The following REC114 variants were observed in gnomAD, a reference collection of about 807,000 sequenced individuals.
REC114 encodes REC114 meiotic recombination protein.
A neutral mutation model predicts 31.3 loss-of-function variants in REC114; 27 were observed. The ratio of observed to expected loss-of-function variants is 0.86; its 90% confidence interval spans 0.64 to 1.19. REC114 has a LOEUF of 1.19. Among genes scored for constraint, REC114 ranks in the 50% most tolerant of loss-of-function variants. The probability of loss-of-function intolerance (pLI) is 0.00; values close to 1 mark genes in which losing one functional copy is unlikely to be tolerated. For missense variants in REC114, 344 were observed against 326.9 expected, an observed-to-expected ratio of 1.05 and a Z score of -0.40; for synonymous variants, 134 against 127.7, an observed-to-expected ratio of 1.05 and a Z score of -0.33.
chr15:73,457,346 A>G (rs1270368393), intron 1 of REC114, among the ~76,000 whole-genome samples: 2 of 151,972 alleles, frequency 1.3e-5, no homozygotes, highest in African/African-American at 2.4e-5. Context: ...TTACGCATAT[A>G]TATATGTTGA....
At chr15:73,551,545 A>G (rs1313194416) in intron 4 of REC114, among the ~76,000 whole-genome samples, 2 of 152,238 alleles carry the variant, frequency 1.3e-5, no homozygotes, top group African/African-American at 4.8e-5. Context: ...CATCTCATAC[A>G]GATCAGGCAG....
At chr15:73,514,270 C>T (rs2141316493) in intron 2 of REC114, among the ~76,000 whole-genome samples, 1 of 151,756 alleles carries the variant, frequency 6.6e-6, no homozygotes, top group African/African-American at 2.4e-5. Flanking sequence ...CTTGCGCTTC[C>T]CAGGTGAGGC....
intron 2 of REC114, among the ~76,000 whole-genome samples, chr15:73,534,133 G>A: frequency 6.8e-6 from 1 of 146,294 alleles, no homozygotes; most frequent in African/African-American, 2.5e-5. Context: ...AAGAACTAGA[G>A]AAGCAAGAGC....
chr15:73,462,884 CAAA>C lies in REC114; in HGVS notation c.160-10927_160-10925del, dbSNP rs769569268. Among the ~76,000 whole-genome samples, 121 of 55,634 alleles carry C rather than the reference CAAA, an allele frequency of 2.2e-3. 1 individual carries two copies. Among genetic ancestry groups the C allele is most frequent in the African/African-American group, 8.0e-3 (114 of 14,182 alleles). The allele number at this position is 55,634 out of a possible 152,430, so 36.5% of individuals were successfully genotyped here. ...TGGGCAACAGAGTGAGACTCCGTCT[CAAA>C]AAAAAAAAAAAAAAAAAAAATTACC... On this transcript the variant is annotated intron_variant, in intron 1 of 5. Transcript: ENST00000331090.
chr15:73,515,732 A>G (rs1287454853), intron 2 of REC114, among the ~76,000 whole-genome samples: 1 of 152,178 alleles, frequency 6.6e-6, no homozygotes, highest in Non-Finnish European at 1.5e-5. Context: ...CCAGGAAGCA[A>G]GCCGTCACCA....
Position 73,472,830 on chromosome 15 carries a change from T to C in REC114, c.160-1002T>C, listed in dbSNP as rs183866721. Among the ~76,000 whole-genome samples the C allele has an allele frequency of 2.1e-3, 317 of 152,278 alleles. 1 individual carries two copies. The highest frequency in any genetic ancestry group is 7.3e-3 in the African/African-American group (305 of 41,556). The stretch of plus-strand genomic sequence containing the variant: ...ATAATGGGGCTAATCCAAGGTTTTA[T>C]GTTTAGGTTCAAGATGAATAAAGGG... On this transcript the variant is annotated intron_variant, in intron 1 of 5. Transcript: ENST00000331090.
intron 2 of REC114, among the ~76,000 whole-genome samples, chr15:73,521,972 A>G (rs542377133): frequency 1.3e-5 from 2 of 152,338 alleles, no homozygotes; most frequent in Middle Eastern, 3.4e-3. Context: ...ACAGTACATT[A>G]CAATGAATTG....
chr15:73,487,577 TG>T (rs1893387564), intron 2 of REC114, among the ~76,000 whole-genome samples: 1 of 152,242 alleles, frequency 6.6e-6, no homozygotes, highest in Non-Finnish European at 1.5e-5. Flanking sequence ...ATCCTACTTT[TG>T]TACACACTGG....
chr15:73,481,049 C>T (rs993416149), intron 2 of REC114, among the ~76,000 whole-genome samples: 1 of 152,166 alleles, frequency 6.6e-6, no homozygotes, highest in African/African-American at 2.4e-5. Context: ...TACAATTATT[C>T]AATCACTGGC....
rs577580614 is a variant in REC114, at chr15:73,480,567, C to T, written c.249+6646C>T. 5.9e-5 allele frequency among the ~76,000 whole-genome samples: 9 copies of T among 152,176 alleles called. No homozygotes were observed. The East Asian group carries it at 1.2e-3, about 20-fold the overall frequency. ...TTCTTGGCCTCCACAGAAAGCAACACGTAGAAGAGCAAACACATTTGGATT... is the reference window on the plus strand; with the variant it reads ...TTCTTGGCCTCCACAGAAAGCAACATGTAGAAGAGCAAACACATTTGGATT... On this transcript the variant is annotated intron_variant, in intron 2 of 5. Transcript: ENST00000331090.
intron 5 of REC114, 64 bp downstream of exon 5, chr15:73,556,455 T>C (rs1439664742): frequency 7.5e-7 from 1 of 1,337,912 alleles, no homozygotes; most frequent in Admixed American, 2.0e-5. Context: ...AGAATTTGTA[T>C]CCCTTTGTTC....
chr15:73,543,493 C>A (rs1422742595), intron 3 of REC114, among the ~76,000 whole-genome samples: 1 of 152,080 alleles, frequency 6.6e-6, no homozygotes, highest in Admixed American at 6.6e-5. Context: ...CCACACCCAG[C>A]TAATTTTGTA....
At chr15:73,492,047 CATTT>C (rs1409933735) in intron 2 of REC114, among the ~76,000 whole-genome samples, 1 of 152,108 alleles carries the variant, frequency 6.6e-6, no homozygotes, top group African/African-American at 2.4e-5. Context: ...ATGTCATTGT[CATTT>C]AGTTCTCATT....
At chr15:73,504,724 A>G (rs1200828123) in intron 2 of REC114, among the ~76,000 whole-genome samples, 1 of 152,168 alleles carries the variant, frequency 6.6e-6, no homozygotes, top group Non-Finnish European at 1.5e-5. Context: ...CAGATTTTAT[A>G]TGTTGAACTG....
rs180865455 is a variant in REC114 at position 73,549,057 on chromosome 15, T to C, written c.334-1881T>C. ...AGAGGAAGGAGAGGATCAGGAAAAA[T>C]AACGAATGGGTACTAGGCTTAATAC... On this transcript the variant is annotated intron_variant, in intron 3 of 5. Transcript: ENST00000331090. Among the ~76,000 whole-genome samples, 917 of 151,818 alleles carry C rather than the reference T, an allele frequency of 6.0e-3. 9 individuals are homozygous for C. The highest frequency in any genetic ancestry group is 7.0e-3 in the Non-Finnish European group (474 of 67,922).
chr15:73,462,228 C>A (rs1892999284), intron 1 of REC114, among the ~76,000 whole-genome samples: 1 of 151,994 alleles, frequency 6.6e-6, no homozygotes, highest in Non-Finnish European at 1.5e-5. Context: ...TCGTGCCCAG[C>A]CAACATTTTT....
chr15:73,506,919 T>C lies in REC114; in HGVS notation c.249+32998T>C, dbSNP rs1182591157. Reference sequence around the variant, plus strand: ...GAAAACTTTGGTATATCAAATAAAATCCATAGCCAACTAAAAAAAATTAAA... The same window carrying C: ...GAAAACTTTGGTATATCAAATAAAACCCATAGCCAACTAAAAAAAATTAAA... On this transcript the variant is annotated intron_variant, in intron 2 of 5. Transcript: ENST00000331090. Among the ~76,000 whole-genome samples, 4 of 152,086 alleles carry C rather than the reference T, an allele frequency of 2.6e-5. No individual in the cohort carries two copies. The East Asian group carries it at 5.8e-4, about 22-fold the overall frequency.
At chr15:73,496,293 A>C (rs375597945) in intron 2 of REC114, among the ~76,000 whole-genome samples, 19 of 141,338 alleles carry the variant, frequency 1.3e-4, no homozygotes, top group Middle Eastern at 3.4e-3. Context: ...CAGAGGTTGC[A>C]GTGAGCTGAG....
At chr15:73,457,534 C>T (rs1892933739) in intron 1 of REC114, among the ~76,000 whole-genome samples, 1 of 152,192 alleles carries the variant, frequency 6.6e-6, no homozygotes, top group African/African-American at 2.4e-5. Flanking sequence ...GTTTATCATC[C>T]TTGCACTCTG....
Sources: allele counts gnomAD v4.1 joint callset (sites outside exome capture counted in the v4.1 genomes callset), GRCh38; gene constraint gnomAD v4.1.1; transcripts MANE v1.5; gene names NCBI Gene and HGNC (gene_info 2026-07-23, HGNC 2026-07-21).